CALCR: variants seen among roughly 807,000 people sequenced by gnomAD.
CALCR encodes the protein calcitonin receptor.
Under a neutral mutation model 59.5 loss-of-function variants are expected in CALCR, and 47 were observed. The observed-to-expected ratio is 0.79, with a 90% CI of 0.63 to 1.01. CALCR has a LOEUF of 1.01. CALCR is among the 50% of genes least tolerant of loss of function. The pLI is 0.00. For synonymous variants in CALCR, 213 were observed against 211.3 expected, an observed-to-expected ratio of 1.01 and a Z score of -0.07; for missense variants, 566 against 597.1, an observed-to-expected ratio of 0.95 and a Z score of 0.54.
At chr7:93,554,783 ATATATATATT>A (rs1180023378) in intron 2 of CALCR, among the ~76,000 whole-genome samples, 2 of 144,266 alleles carry the variant, frequency 1.4e-5, no homozygotes, top group African/African-American at 5.5e-5. Flanking sequence ...ATATATATAT[ATATATATATT>A]ATACGTACAT....
intron 2 of CALCR, among the ~76,000 whole-genome samples, chr7:93,506,364 C>G (rs894433279): frequency 6.6e-6 from 1 of 152,128 alleles, no homozygotes; most frequent in African/African-American, 2.4e-5. Flanking sequence ...GGTTTCTCAT[C>G]CATATTCTCC....
At chr7:93,473,714 C>T (rs2115862518) in intron 5 of CALCR, among the ~76,000 whole-genome samples, 1 of 150,972 alleles carries the variant, frequency 6.6e-6, no homozygotes, top group Admixed American at 6.6e-5. Context: ...GTTCAGCTTA[C>T]ACTAAAATAT....
intron 2 of CALCR, among the ~76,000 whole-genome samples, chr7:93,522,413 A>G (rs980916225): frequency 1.3e-5 from 2 of 152,100 alleles, no homozygotes; most frequent in Non-Finnish European, 1.5e-5. Context: ...TTGGCCCTCT[A>G]GGTCCTTCAA....
intron 2 of CALCR, among the ~76,000 whole-genome samples, chr7:93,514,657 A>C (rs1801614060): frequency 6.6e-6 from 1 of 152,010 alleles, no homozygotes. Flanking sequence ...CACTCAGAGT[A>C]ATTACTTATT....
intron 13 of CALCR, among the ~76,000 whole-genome samples, chr7:93,432,254 T>C (rs1470505656): frequency 6.6e-6 from 1 of 152,246 alleles, no homozygotes; most frequent in Non-Finnish European, 1.5e-5. Flanking sequence ...ATCTCATTAT[T>C]ATGTTGAGTT....
At chr7:93,507,023 T>A in intron 2 of CALCR, among the ~76,000 whole-genome samples, 1 of 152,176 alleles carries the variant, frequency 6.6e-6, no homozygotes, top group East Asian at 1.9e-4. Context: ...TTGTGAGGCC[T>A]CCCCAGCCAT....
Position 93,543,843 on chromosome 7 carries a change from T to A in CALCR, c.-27+30446A>T, listed in dbSNP as rs1347549360. On this transcript the variant is annotated intron_variant, in intron 2 of 13. Coordinates refer to ENST00000426151, the MANE Select transcript of CALCR (RefSeq NM_001742.4). Reference sequence around the variant, plus strand: ...GTTAAAGCTATCATATTTAATATTTTAAATTATTGTTTAATTGTATTTTTT... The same window carrying A: ...GTTAAAGCTATCATATTTAATATTTAAAATTATTGTTTAATTGTATTTTTT... Among the ~76,000 whole-genome samples, 3 of 152,288 alleles carry A rather than the reference T, an allele frequency of 2.0e-5. No individual in the cohort carries two copies. The East Asian group carries it at 5.8e-4, about 29-fold the overall frequency.
At chr7:93,487,135 C>T (rs372773124) in intron 2 of CALCR, 128 bp from the exon 3 acceptor site, 6 of 571,122 alleles carry the variant, frequency 1.1e-5, no homozygotes, top group South Asian at 7.0e-5. Flanking sequence ...AAAAAACACA[C>T]GTAAGAAAAA....
rs73419384 is a variant in CALCR at position 93,442,881 on chromosome 7, T to C, written c.802+723A>G. 6.3e-3 allele frequency among the ~76,000 whole-genome samples: 952 copies of C among 152,288 alleles called. 12 individuals are homozygous for C. The highest frequency in any genetic ancestry group is 0.021 in the African/African-American group (875 of 41,578). On this transcript the variant is annotated intron_variant, in intron 9 of 13. Transcript: ENST00000426151. ...CATGTGTTTTTATCGCAGCATTTATTTTCTTTCATTGCCTCACCTTCTGTT... is the reference window on the plus strand; with the variant it reads ...CATGTGTTTTTATCGCAGCATTTATCTTCTTTCATTGCCTCACCTTCTGTT...
chr7:93,437,104 TTC>T (rs1799797763), intron 11 of CALCR, among the ~76,000 whole-genome samples: 1 of 152,108 alleles, frequency 6.6e-6, no homozygotes, highest in Non-Finnish European at 1.5e-5. Flanking sequence ...ATATATCAAT[TTC>T]TGTTAATTTA....
intron 2 of CALCR, among the ~76,000 whole-genome samples, chr7:93,530,873 C>T (rs781754064): frequency 1.9e-4 from 29 of 151,936 alleles, no homozygotes; most frequent in Non-Finnish European, 4.3e-4. Flanking sequence ...GTCCCTGGAC[C>T]AGCAGCACAG....
intron 3 of CALCR, among the ~76,000 whole-genome samples, chr7:93,482,145 T>G (rs929412250): frequency 6.6e-6 from 1 of 151,884 alleles, no homozygotes; most frequent in Admixed American, 6.6e-5. Context: ...AAAAGAGTAA[T>G]TTGAAGGGAT....
chr7:93,466,183 TG>T (rs1800437352), intron 7 of CALCR, among the ~76,000 whole-genome samples: 1 of 151,912 alleles, frequency 6.6e-6, no homozygotes, highest in African/African-American at 2.4e-5. Flanking sequence ...TGATATTTTT[TG>T]CTCAGGTTGC....
chr7:93,435,600 G>T (rs1799755043), intron 12 of CALCR, among the ~76,000 whole-genome samples: 1 of 152,028 alleles, frequency 6.6e-6, no homozygotes, highest in African/African-American at 2.4e-5. Context: ...CTGAGGTCAG[G>T]AGTTTGATAC....
intron 2 of CALCR, among the ~76,000 whole-genome samples, chr7:93,557,752 T>C (rs2116254359): frequency 6.6e-6 from 1 of 152,140 alleles, no homozygotes; most frequent in South Asian, 2.1e-4. Flanking sequence ...AGAAGGTAGA[T>C]ATCTGCTTTG....
At chr7:93,463,865 A>G (rs1800389262) in intron 7 of CALCR, among the ~76,000 whole-genome samples, 1 of 152,006 alleles carries the variant, frequency 6.6e-6, no homozygotes. Context: ...CCTTTATGAA[A>G]AAAACAGACA....
At chr7:93,519,165 C>T (rs574753813) in intron 2 of CALCR, among the ~76,000 whole-genome samples, 24 of 152,026 alleles carry the variant, frequency 1.6e-4, no homozygotes, top group Admixed American at 1.2e-3. Context: ...CTCGTACATA[C>T]TAATGTTTTC....
intron 9 of CALCR, among the ~76,000 whole-genome samples, chr7:93,442,758 A>AGC (rs1350964759): frequency 8.5e-5 from 13 of 152,162 alleles, no homozygotes; most frequent in Non-Finnish European, 1.6e-4. Context: ...TGGTGAGAGA[A>AGC]GCCCTTGGCT....
At position 93,465,812 on chromosome 7, in the gene CALCR, A is replaced by C. The variant is rs182403982; in HGVS notation, c.521+2903T>G. Reference sequence around the variant, plus strand: ...CCCTGCATGCTCAGAATAAAATTACATTAAGATTAAAGGCATGCTTTAATA... The same window carrying C: ...CCCTGCATGCTCAGAATAAAATTACCTTAAGATTAAAGGCATGCTTTAATA... On this transcript the variant is annotated intron_variant, in intron 7 of 13. Coordinates refer to ENST00000426151, the MANE Select transcript of CALCR (RefSeq NM_001742.4). Among the ~76,000 whole-genome samples, 570 of 152,060 alleles carry C rather than the reference A, an allele frequency of 3.7e-3. 1 individual carries two copies. The highest frequency in any genetic ancestry group is 6.2e-3 in the Non-Finnish European group (422 of 67,950).
Sources: gnomAD v4.1 joint callset for allele counts (sites outside exome capture counted in the v4.1 genomes callset) on GRCh38, gnomAD v4.1.1 for gene constraint, MANE v1.5 for transcripts, NCBI Gene and HGNC (gene_info 2026-07-23, HGNC 2026-07-21) for gene names.